The following HS3ST4 variants were observed in gnomAD, a reference collection of about 807,000 sequenced individuals.
The protein encoded by HS3ST4 is heparan sulfate glucosamine 3-O-sulfotransferase 4.
A neutral mutation model predicts 29.2 loss-of-function variants in HS3ST4; 17 were observed. The ratio of observed to expected loss-of-function variants is 0.58; its 90% CI spans 0.40 to 0.87. HS3ST4 has a LOEUF of 0.87. Among genes scored for constraint, HS3ST4 ranks in the 40% least tolerant of loss-of-function variants. The probability of loss-of-function intolerance (pLI) is 0.00; values close to 1 mark genes in which losing one functional copy is unlikely to be tolerated. For synonymous variants in HS3ST4, 314 were observed against 285.7 expected, an observed-to-expected ratio of 1.10 and a Z score of -1.00; for missense variants, 627 against 634.5, an observed-to-expected ratio of 0.99 and a Z score of 0.13.
chr16:25,730,048 A>G (rs1966560598), intron 1 of HS3ST4, among the ~76,000 whole-genome samples: 1 of 152,164 alleles, frequency 6.6e-6, no homozygotes, highest in Non-Finnish European at 1.5e-5. Flanking sequence ...GTTTTATTTT[A>G]TTTTGAAACT....
intron 1 of HS3ST4, among the ~76,000 whole-genome samples, chr16:25,952,943 T>C (rs1288715089): frequency 6.6e-6 from 1 of 152,206 alleles, no homozygotes; most frequent in East Asian, 1.9e-4. Flanking sequence ...GGACCCCTCA[T>C]TTGTTACAAG....
chr16:26,079,058 TC>T (rs1221893958), intron 1 of HS3ST4, among the ~76,000 whole-genome samples: 2 of 152,166 alleles, frequency 1.3e-5, no homozygotes, highest in African/African-American at 4.8e-5. Context: ...CCCAGGAACT[TC>T]TCAGCCCAAC....
chr16:25,748,061 C>A (rs1966695664), intron 1 of HS3ST4, among the ~76,000 whole-genome samples: 1 of 152,090 alleles, frequency 6.6e-6, no homozygotes, highest in South Asian at 2.1e-4. Context: ...GCTACTTTCT[C>A]ACTAATTTTA....
intron 1 of HS3ST4, among the ~76,000 whole-genome samples, chr16:25,935,545 T>C (rs1968509827): frequency 6.6e-6 from 1 of 152,220 alleles, no homozygotes; most frequent in Non-Finnish European, 1.5e-5. Context: ...TTTTCCAGAA[T>C]GTCATATAGT....
intron 1 of HS3ST4, among the ~76,000 whole-genome samples, chr16:25,708,133 T>A (rs1346431596): frequency 1.3e-5 from 2 of 152,244 alleles, no homozygotes; most frequent in Non-Finnish European, 2.9e-5. Flanking sequence ...ATTTAAAAGA[T>A]GTTTATGTAA....
chr16:26,048,351 A>G (rs1190718636), intron 1 of HS3ST4, among the ~76,000 whole-genome samples: 1 of 152,236 alleles, frequency 6.6e-6, no homozygotes, highest in Non-Finnish European at 1.5e-5. Flanking sequence ...CAACATGAGA[A>G]AGGATAGATT....
At chr16:25,750,409 A>G (rs377513788) in intron 1 of HS3ST4, among the ~76,000 whole-genome samples, 15 of 152,340 alleles carry the variant, frequency 9.8e-5, no homozygotes, top group African/African-American at 3.1e-4. Flanking sequence ...GTTCAAGGCA[A>G]GAAGACATAG....
intron 1 of HS3ST4, among the ~76,000 whole-genome samples, chr16:25,929,118 T>TC (rs1340420877): frequency 6.6e-6 from 1 of 152,160 alleles, no homozygotes; most frequent in East Asian, 1.9e-4. Context: ...GCGTGGGGGC[T>TC]CACGCCTATA....
At chr16:25,900,163 G>C (rs186999436) in intron 1 of HS3ST4, among the ~76,000 whole-genome samples, 7 of 152,110 alleles carry the variant, frequency 4.6e-5, no homozygotes, top group African/African-American at 1.7e-4. Flanking sequence ...TGGTAATCTT[G>C]TCATTCAAAT....
chr16:26,010,582 G>A (rs1055225297), intron 1 of HS3ST4, among the ~76,000 whole-genome samples: 1 of 152,164 alleles, frequency 6.6e-6, no homozygotes, highest in South Asian at 2.1e-4. Context: ...TATATTTTTG[G>A]GTGTCTATAA....
chr16:25,765,029 A>AATAGCCCAGGCTG (rs1257748799), intron 1 of HS3ST4, among the ~76,000 whole-genome samples: 32 of 152,218 alleles, frequency 2.1e-4, no homozygotes, highest in Non-Finnish European at 3.1e-4. Flanking sequence ...AGAAGAAATA[A>AATAGCCCAGGCTG]ATAGCCCAGG....
intron 1 of HS3ST4, among the ~76,000 whole-genome samples, chr16:25,823,216 A>G (rs1967180578): frequency 1.3e-5 from 2 of 152,196 alleles, no homozygotes; most frequent in Non-Finnish European, 2.9e-5. Context: ...TAGCCCAGGG[A>G]ACTCTTTCTA....
chr16:25,925,910 T>C (rs989573751), intron 1 of HS3ST4, among the ~76,000 whole-genome samples: 2 of 151,992 alleles, frequency 1.3e-5, no homozygotes, highest in Non-Finnish European at 2.9e-5. Context: ...ATGTTACTGA[T>C]CCCTATTAGG....
At chr16:25,718,331 A>T (rs1431077945) in intron 1 of HS3ST4, among the ~76,000 whole-genome samples, 1 of 152,170 alleles carries the variant, frequency 6.6e-6, no homozygotes, top group African/African-American at 2.4e-5. Flanking sequence ...TTGCACGATG[A>T]GATTCCTTTT....
rs184083947 is a variant in HS3ST4, at chr16:25,789,574, A to G, written c.734+96423A>G. 5.2e-3 allele frequency among the ~76,000 whole-genome samples: 784 copies of G among 151,044 alleles called. 2 individuals are homozygous for G. Among genetic ancestry groups the G allele is most frequent in the Non-Finnish European group, 8.3e-3 (564 of 67,866 alleles). On this transcript the variant is annotated intron_variant, in intron 1 of 1. Coordinates refer to ENST00000331351, the MANE Select transcript of HS3ST4 (RefSeq NM_006040.3). ...GTCTCATGAAAAAATAATGATGAAT[A>G]CAACTGGATTTTTCTAAAGTAATTG...
At chr16:26,124,086 A>T (rs1899311545) in intron 1 of HS3ST4, among the ~76,000 whole-genome samples, 1 of 152,052 alleles carries the variant, frequency 6.6e-6, no homozygotes, top group Admixed American at 6.6e-5. Flanking sequence ...ACACCCGTCT[A>T]ATTTTGTATT....
intron 1 of HS3ST4, among the ~76,000 whole-genome samples, chr16:25,705,648 GC>G (rs1280562119): frequency 6.6e-6 from 1 of 152,044 alleles, no homozygotes; most frequent in East Asian, 1.9e-4. Flanking sequence ...TGGTGATGAA[GC>G]CAGTTTCCAT....
At chr16:25,925,482 T>C (rs35694693) in intron 1 of HS3ST4, among the ~76,000 whole-genome samples, 43,752 of 151,944 alleles carry the variant, frequency 0.29, 7,482 homozygotes, top group Non-Finnish European at 0.4. Flanking sequence ...TGTCACAGAT[T>C]ACGCCGCGAC....
chr16:26,010,186 A>T (rs533619439), intron 1 of HS3ST4, among the ~76,000 whole-genome samples: 2 of 152,160 alleles, frequency 1.3e-5, no homozygotes, highest in African/African-American at 4.8e-5. Flanking sequence ...CGGCGCGGTG[A>T]CTCATGCCTG....
Sources: allele counts gnomAD v4.1 joint callset (sites outside exome capture counted in the v4.1 genomes callset), GRCh38; gene constraint gnomAD v4.1.1; transcripts MANE v1.5; gene names NCBI Gene and HGNC (gene_info 2026-07-23, HGNC 2026-07-21).